The following WDR73 variants were observed in gnomAD, a reference collection of about 807,000 sequenced individuals.
The protein encoded by WDR73 is WD repeat domain 73, also known as integrator complex assembly factor WDR73.
Under a neutral mutation model 38.2 loss-of-function variants are expected in WDR73, and 30 were observed. That is an observed-to-expected ratio of 0.79 (90% confidence interval 0.59 to 1.06). The LOEUF (loss-of-function observed/expected upper bound fraction) is 1.06, where lower values mean the gene tolerates loss of function less well. WDR73 is among the 50% of genes least tolerant of loss of function. The pLI, the probability that WDR73 is intolerant of heterozygous loss-of-function variation, is 0.00. For missense variants in WDR73, 487 were observed against 467.0 expected, an observed-to-expected ratio of 1.04 and a Z score of -0.40; for synonymous variants, 197 against 176.0, an observed-to-expected ratio of 1.12 and a Z score of -0.94.
intron 3 of WDR73, among the ~76,000 whole-genome samples, chr15:84,649,009 C>T (rs1567023845): frequency 6.6e-6 from 1 of 152,200 alleles, no homozygotes; most frequent in African/African-American, 2.4e-5. Flanking sequence ...TAAAAATTAA[C>T]AATTACAACT....
In WDR73 at chr15:84,654,243, G is replaced by A. The variant is rs774598901; in HGVS notation, c.32C>T (p.Ser11Phe). The change falls in exon 1 of 8, where the codon TCC becomes TTC. Residue 11 changes from serine (S) to phenylalanine (F), a missense_variant. Coordinates refer to ENST00000434634, the MANE Select transcript of WDR73 (RefSeq NM_032856.5). Reference sequence around the variant, plus strand: ...GCCCCGTACGATTTACAAGCGCAAGGATTCCACCAGCCAGTCGTCCCCAGG... The same window carrying A: ...GCCCCGTACGATTTACAAGCGCAAGAATTCCACCAGCCAGTCGTCCCCAGG... MDPGDDWLVE[S>F]LRLYQDFYAF... The A allele has an allele frequency of 6.2e-7, 1 of 1,613,780 alleles. No homozygotes were observed.
At position 84,643,261 on chromosome 15, in the gene WDR73, TC is replaced by T; in HGVS notation, c.*208del. 1 of 601,210 alleles carries T rather than the reference TC, an allele frequency of 1.7e-6. No homozygotes were observed. The highest frequency in any genetic ancestry group is 2.9e-6 in the Non-Finnish European group (1 of 347,774). The allele number at this position is 601,210 out of a possible 1,614,324, so 37.2% of individuals were successfully genotyped here. Reference sequence around the variant, plus strand: ...CTACCAAGTAATTATGCCATGCGTTTCTTCTAACCTTCGCAATATCACTACG... The same window carrying T: ...CTACCAAGTAATTATGCCATGCGTTTTTCTAACCTTCGCAATATCACTACG... On this transcript the variant is annotated 3_prime_UTR_variant, in exon 8 of 8. Transcript: ENST00000434634.
chr15:84,652,482 T>G (rs1212504073), intron 3 of WDR73, among the ~76,000 whole-genome samples: 4 of 152,206 alleles, frequency 2.6e-5, no homozygotes, highest in African/African-American at 9.7e-5. Flanking sequence ...CTAAATCTAT[T>G]TCTGATAAAG....
intron 7 of WDR73, chr15:84,644,083 G>A (rs879940274): frequency 9.9e-5 from 22 of 221,624 alleles, no homozygotes; most frequent in Non-Finnish European, 1.5e-4. Flanking sequence ...CGTGAGGCTC[G>A]AAGGCTAATT....
chr15:84,646,363 A>G lies in WDR73; in HGVS notation c.353-15T>C, dbSNP rs746556788. 2.5e-6 allele frequency: 4 copies of G among 1,599,454 alleles called. No homozygotes were observed. The Admixed American group carries it at 6.8e-5, about 27-fold the overall frequency. On this transcript the variant is annotated splice_polypyrimidine_tract_variant and intron_variant, in intron 5 of 7. Transcript: ENST00000434634. The stretch of plus-strand genomic sequence containing the variant: ...TTTAATGACATCTAGGGGAAAACGA[A>G]GAGGCCAAAATCCAGAACTTTAATG...
rs747802093 is a variant in WDR73 at position 84,645,771 on chromosome 15, A to G, written c.583T>C (p.Cys195Arg). ...ACAAGCCCCAGCCGGCCTGAAGCAC[A>G]GCAGAAGGCAAAGGTGTCTGCATCT... ...VLDADTFAFC[C>R]ASGRLGLVDT... Residue 195 changes from cysteine (C) to arginine (R), a missense_variant, in exon 7 of 8, where the codon TGT (cysteine) becomes CGT (arginine). Physicochemically the swap from Cys to Arg is radical, Grantham distance 180 (BLOSUM62 -3). Transcript: ENST00000434634. The G allele has an allele frequency of 6.2e-7, 1 of 1,613,396 alleles. No individual in the cohort carries two copies. Among genetic ancestry groups the G allele is most frequent in the Admixed American group, 1.7e-5 (1 of 59,916 alleles).
At chr15:84,648,807 C>T (rs1173227133) in intron 3 of WDR73, among the ~76,000 whole-genome samples, 182 bp from the exon 4 acceptor site, 1 of 152,196 alleles carries the variant, frequency 6.6e-6, no homozygotes, top group Non-Finnish European at 1.5e-5. Flanking sequence ...GTACAGCTTC[C>T]TTTTTCCTTT....
intron 3 of WDR73, among the ~76,000 whole-genome samples, chr15:84,649,500 C>T (rs1363591478): frequency 2.0e-5 from 3 of 150,766 alleles, no homozygotes; most frequent in Admixed American, 6.6e-5. Flanking sequence ...GACAGAGTCT[C>T]ACTCTGTAGC....
At chr15:84,652,010 G>A (rs1896639066) in intron 3 of WDR73, among the ~76,000 whole-genome samples, 1 of 152,164 alleles carries the variant, frequency 6.6e-6, no homozygotes, top group African/African-American at 2.4e-5. Flanking sequence ...TGGGATTACA[G>A]GTGTGCGCCA....
chr15:84,648,679 G>C, intron 3 of WDR73, 54 bp from the exon 4 acceptor site: 1 of 1,425,800 alleles, frequency 7.0e-7, no homozygotes, highest in Non-Finnish European at 9.9e-7. Context: ...GAACATTTCA[G>C]AGGAACTCTA....
chr15:84,647,830 A>T (rs957089709), intron 5 of WDR73, 60 bp downstream of exon 5: 4 of 1,511,392 alleles, frequency 2.6e-6, no homozygotes, highest in African/African-American at 2.7e-5. Flanking sequence ...ATTAGGGGAC[A>T]GGGGTGTATG....
chr15:84,653,813 G>T, intron 1 of WDR73, 114 bp from the exon 2 acceptor site: 1 of 822,436 alleles, frequency 1.2e-6, no homozygotes, highest in Non-Finnish European at 2.0e-6. Context: ...GCAGACGTGG[G>T]ACTGAGTTTA....
intron 4 of WDR73, 184 bp from the exon 5 acceptor site, chr15:84,648,138 C>T: frequency 1.6e-6 from 1 of 633,866 alleles, no homozygotes; most frequent in Non-Finnish European, 2.8e-6. Flanking sequence ...TTTAGGGAGA[C>T]TGAGCCCAAG....
At chr15:84,652,601 G>C in intron 3 of WDR73, 113 bp downstream of exon 3, 1 of 594,632 alleles carries the variant, frequency 1.7e-6, no homozygotes. Flanking sequence ...GGCAGGCCTA[G>C]CGCTTTCTCT....
At position 84,643,790 on chromosome 15, in the gene WDR73, T is replaced by C. The variant is rs536125194; in HGVS notation, c.884-67A>G. On this transcript the variant is annotated intron_variant, in intron 7 of 7. Coordinates refer to ENST00000434634, the MANE Select transcript of WDR73 (RefSeq NM_032856.5). ...TTTTATTTTAAAATAATTTTCTTTCTATTTTTAATAGAGATGGGGTTTCAC... is the reference window on the plus strand; with the variant it reads ...TTTTATTTTAAAATAATTTTCTTTCCATTTTTAATAGAGATGGGGTTTCAC... 5.2e-4 allele frequency: 759 copies of C among 1,458,292 alleles called. 2 individuals carry two copies. The highest frequency in any genetic ancestry group is 1.2e-3 in the Middle Eastern group (6 of 5,066). 90.3% of individuals were successfully genotyped at this position (1,458,292 alleles called of 1,614,324 possible). A position where few individuals can be genotyped will look rare whatever the true frequency, so the allele number is the denominator to read the frequency against.
Position 84,653,664 on chromosome 15 carries a change from G to C in WDR73, c.77C>G (p.Ala26Gly). Residue 26 changes from alanine (A) to glycine (G), a missense_variant, in exon 2 of 8, where the codon GCC (alanine) becomes GGC (glycine). Physicochemically the swap from Ala to Gly is moderately conservative, Grantham distance 60 (BLOSUM62 0). Coordinates refer to ENST00000434634, the MANE Select transcript of WDR73 (RefSeq NM_032856.5). ...QDFYAFDLSG[A>G]TRVLEWIDDK... Reference sequence around the variant, plus strand: ...ATCAATCCATTCAAGGACTCGAGTGGCTCCTGACAGGTCGAATGCATAGAA... The same window carrying C: ...ATCAATCCATTCAAGGACTCGAGTGCCTCCTGACAGGTCGAATGCATAGAA... The C allele has an allele frequency of 6.3e-7, 1 of 1,595,976 alleles. No homozygotes were observed. The highest frequency in any genetic ancestry group is 8.5e-7 in the Non-Finnish European group (1 of 1,171,020).
In WDR73 at chr15:84,654,223, G is replaced by A. The variant is rs752351410; in HGVS notation, c.41+11C>T. 16 of 1,613,732 alleles carry A rather than the reference G, an allele frequency of 9.9e-6. No individual in the cohort carries two copies. Among genetic ancestry groups the A allele is most frequent in the African/African-American group, 2.7e-5 (2 of 74,908 alleles). On this transcript the variant is annotated intron_variant, in intron 1 of 7. Coordinates refer to ENST00000434634, the MANE Select transcript of WDR73 (RefSeq NM_032856.5). ...GGCCCAGCTCCCATGTCCCAGCCCC[G>A]TACGATTTACAAGCGCAAGGATTCC...
chr15:84,643,318 T>C lies in WDR73; in HGVS notation c.*152A>G. ...GTTCTTACTATCCTCATTTTACAGATAAGGAAACTGAGGCTAAGTGACGCT... is the reference window on the plus strand; with the variant it reads ...GTTCTTACTATCCTCATTTTACAGACAAGGAAACTGAGGCTAAGTGACGCT... On this transcript the variant is annotated 3_prime_UTR_variant, in exon 8 of 8. Coordinates refer to ENST00000434634, the MANE Select transcript of WDR73 (RefSeq NM_032856.5). 1.1e-6 allele frequency: 1 copy of C among 888,742 alleles called. No homozygotes were observed. Among genetic ancestry groups the C allele is most frequent in the Non-Finnish European group, 1.7e-6 (1 of 596,070 alleles). 55.1% of individuals were successfully genotyped at this position (888,742 alleles called of 1,614,324 possible). A position where few individuals can be genotyped will look rare whatever the true frequency, so the allele number is the denominator to read the frequency against.
intron 3 of WDR73, 47 bp from the exon 4 acceptor site, chr15:84,648,672 C>T: frequency 6.9e-7 from 1 of 1,452,626 alleles, no homozygotes; most frequent in Non-Finnish European, 9.7e-7. Flanking sequence ...TTCAAATGAA[C>T]ATTTCAGAGG....
Sources: allele counts gnomAD v4.1 joint callset (sites outside exome capture counted in the v4.1 genomes callset), GRCh38; gene constraint gnomAD v4.1.1; transcripts MANE v1.5; gene names NCBI Gene and HGNC (gene_info 2026-07-23, HGNC 2026-07-21).